LARP1B: variants seen among roughly 807,000 people sequenced by gnomAD.
LARP1B encodes the protein la-related protein 1B.
In LARP1B, 76 loss-of-function variants were observed where a neutral mutation model predicts 114.2. That is an observed-to-expected ratio of 0.67 (90% confidence interval 0.55 to 0.81). LARP1B has a LOEUF of 0.81. Ranked by LOEUF, LARP1B falls within the 30% of genes least tolerant of loss-of-function variation. The pLI, the probability that LARP1B is intolerant of heterozygous loss-of-function variation, is 0.00. For missense variants in LARP1B, 1,014 were observed against 1,075.8 expected (o/e 0.94, Z 0.80); for synonymous variants, 345 against 348.0 (o/e 0.99, Z 0.10).
intron 5 of LARP1B, among the ~76,000 whole-genome samples, chr4:128,086,087 C>T (rs1332840858): frequency 1.3e-5 from 2 of 148,600 alleles, no homozygotes; most frequent in Non-Finnish European, 3.0e-5. Context: ...GATCTCGGCT[C>T]GCTGCAAGTT....
chr4:128,116,199 G>A (rs915656667), intron 10 of LARP1B, among the ~76,000 whole-genome samples: 2 of 152,110 alleles, frequency 1.3e-5, no homozygotes, highest in African/African-American at 2.4e-5. Flanking sequence ...GTAGATACAC[G>A]AACTTACATA....
At chr4:128,187,223 C>G (rs913192582) in intron 15 of LARP1B, among the ~76,000 whole-genome samples, 9 of 152,210 alleles carry the variant, frequency 5.9e-5, no homozygotes, top group African/African-American at 2.2e-4. Flanking sequence ...GATCCACTAG[C>G]AGCCTGCATC....
At position 128,129,551 on chromosome 4, in the gene LARP1B, C is replaced by CA. The variant is rs112750653; in HGVS notation, c.1524+7369dup. Among the ~76,000 whole-genome samples, 136 of 151,980 alleles carry CA rather than the reference C, an allele frequency of 8.9e-4. 1 individual carries two copies. Among genetic ancestry groups the CA allele is most frequent in the Middle Eastern group, 3.4e-3 (1 of 294 alleles). On this transcript the variant is annotated intron_variant, in intron 11 of 19. Transcript: ENST00000326639. ...ATGATTTTGTGGATATCTCCAGAGG[C>CA]AAAAAACACCTAAAAAACCCAGAAT...
intron 11 of LARP1B, among the ~76,000 whole-genome samples, chr4:128,161,762 G>A (rs914400101): frequency 6.6e-6 from 1 of 152,010 alleles, no homozygotes. Flanking sequence ...CCTGATGATC[G>A]TAATTCTTAC....
In LARP1B at chr4:128,206,530, C is replaced by T. The variant is rs766161449; in HGVS notation, c.2412C>T (p.Tyr804=). Residue 804 remains tyrosine, a synonymous_variant, in exon 18 of 20, where the codon TAC becomes TAT. Coordinates refer to ENST00000326639, the MANE Select transcript of LARP1B (RefSeq NM_018078.4). The part of the protein sequence containing the change: ...QDFQEETKKD[Y]ESGQLYGLEK... ...TCCAAGAAGAAACCAAAAAAGACTA[C>T]GAATCTGGTAACAATAACATCAGAA... The T allele has an allele frequency of 1.0e-5, 16 of 1,607,612 alleles. No homozygotes were observed. The Admixed American group carries it at 1.7e-4, about 17-fold the overall frequency.
At chr4:128,083,669 G>A (rs1267292110) in intron 5 of LARP1B, among the ~76,000 whole-genome samples, 1 of 94,108 alleles carries the variant, frequency 1.1e-5, no homozygotes, top group South Asian at 4.6e-4. Context: ...CCAGGTGGGG[G>A]GGCTGAGCCC....
At chr4:128,213,516 C>G (rs889222739), downstream of LARP1B, among the ~76,000 whole-genome samples, 1 of 152,020 alleles carries the variant, frequency 6.6e-6, no homozygotes, top group African/African-American at 2.4e-5. Context: ...TTTTAAAAAA[C>G]TATACCCCTT....
chr4:128,197,986 G>A (rs934849132), intron 15 of LARP1B, among the ~76,000 whole-genome samples: 2 of 144,776 alleles, frequency 1.4e-5, no homozygotes, highest in African/African-American at 5.1e-5. Context: ...CCGGGTTCAA[G>A]TGATTTTCCT....
downstream of LARP1B, among the ~76,000 whole-genome samples, chr4:128,213,928 G>T (rs910762196): frequency 2.0e-5 from 3 of 151,734 alleles, no homozygotes; most frequent in Non-Finnish European, 2.9e-5. Context: ...GACAGTGGGC[G>T]CAGGCCAGTG....
chr4:128,136,011 G>A (rs542617491), intron 11 of LARP1B, among the ~76,000 whole-genome samples: 1 of 151,824 alleles, frequency 6.6e-6, no homozygotes, highest in Non-Finnish European at 1.5e-5. Context: ...AATACACATA[G>A]GCCAGGTGCG....
chr4:128,090,510 A>G (rs932906965), intron 5 of LARP1B, among the ~76,000 whole-genome samples: 4 of 152,220 alleles, frequency 2.6e-5, no homozygotes, highest in African/African-American at 9.6e-5. Flanking sequence ...AGAGAGTCGT[A>G]TGAGTTCTTA....
At chr4:128,189,979 G>T (rs1221543416) in intron 15 of LARP1B, among the ~76,000 whole-genome samples, 1 of 152,124 alleles carries the variant, frequency 6.6e-6, no homozygotes, top group Non-Finnish European at 1.5e-5. Context: ...AACAATTACT[G>T]CATTAGAGCA....
At chr4:128,107,791 A>G in intron 9 of LARP1B, 1 of 1,528,246 alleles carries the variant, frequency 6.5e-7, no homozygotes, top group South Asian at 1.2e-5. Context: ...TGTGTTTAGA[A>G]TTTCCAAAAG....
At chr4:128,178,761 T>G (rs1747299519) in intron 14 of LARP1B, 119 bp downstream of exon 14, 1 of 837,498 alleles carries the variant, frequency 1.2e-6, no homozygotes, top group South Asian at 1.8e-5. Context: ...ATATTTCACT[T>G]AAAAATCATA....
chr4:128,186,349 C>A (rs1195310246), intron 15 of LARP1B, among the ~76,000 whole-genome samples: 1 of 151,996 alleles, frequency 6.6e-6, no homozygotes, highest in Non-Finnish European at 1.5e-5. Context: ...TTTCTTTCAT[C>A]TGTGTTTTTT....
At chr4:128,185,452 A>G (rs1183722802) in intron 15 of LARP1B, among the ~76,000 whole-genome samples, 1 of 151,398 alleles carries the variant, frequency 6.6e-6, no homozygotes, top group African/African-American at 2.4e-5. Flanking sequence ...ACTTTAAAAT[A>G]TACCTGTTGT....
chr4:128,078,695 C>T (rs1579934936), intron 4 of LARP1B, among the ~76,000 whole-genome samples: 2 of 151,948 alleles, frequency 1.3e-5, no homozygotes, highest in African/African-American at 4.8e-5. Context: ...ATATTGTCTT[C>T]ATATCCTTTT....
chr4:128,153,213 C>T (rs2150341812), intron 11 of LARP1B, among the ~76,000 whole-genome samples: 1 of 151,852 alleles, frequency 6.6e-6, no homozygotes, highest in East Asian at 1.9e-4. Flanking sequence ...GAACTCCTGA[C>T]CTCAGCTGAT....
At chr4:128,197,174 T>A (rs1003201590) in intron 15 of LARP1B, among the ~76,000 whole-genome samples, 1 of 152,230 alleles carries the variant, frequency 6.6e-6, no homozygotes, top group African/African-American at 2.4e-5. Context: ...TATACACTTA[T>A]GAATAGTGTT....
Sources: allele counts gnomAD v4.1 joint callset (sites outside exome capture counted in the v4.1 genomes callset), GRCh38; gene constraint gnomAD v4.1.1; transcripts MANE v1.5; gene names NCBI Gene and HGNC (gene_info 2026-07-23, HGNC 2026-07-21).